Variants in SIPA1L1 observed in about 807,000 individuals in gnomAD.
The protein encoded by SIPA1L1 is signal-induced proliferation-associated 1-like protein 1.
Under a neutral mutation model 162.7 loss-of-function variants are expected in SIPA1L1, and 26 were observed. The ratio of observed to expected loss-of-function variants is 0.16; its 90% CI spans 0.12 to 0.22. The LOEUF is 0.22. Ranked by LOEUF, SIPA1L1 falls within the 10% of genes least tolerant of loss-of-function variation. The pLI, the probability that SIPA1L1 is intolerant of heterozygous loss-of-function variation, is 1.00. For missense variants in SIPA1L1, 1,874 were observed against 2,241.0 expected (o/e 0.84, Z 3.31); for synonymous variants, 829 against 837.4 (o/e 0.99, Z 0.17).
intron 12 of SIPA1L1, among the ~76,000 whole-genome samples, chr14:71,678,053 G>C (rs942917061): frequency 1.3e-5 from 2 of 152,026 alleles, no homozygotes; most frequent in African/African-American, 2.4e-5. Context: ...GAGACGATGG[G>C]GTTTTCTAAA....
Position 71,600,153 on chromosome 14 carries a change from G to T in SIPA1L1, c.1498+10783G>T, listed in dbSNP as rs1253161748. ...ATGTCTATTCTTGTTTTCGTTGCCT[G>T]TGCTTTTCAGGTCTTAGCCATAAAG... On this transcript the variant is annotated intron_variant, in intron 5 of 23. Transcript: ENST00000381232. Among the ~76,000 whole-genome samples the T allele has an allele frequency of 3.3e-5, 5 of 152,104 alleles. No individual in the cohort carries two copies. In the East Asian group the frequency reaches 9.6e-4, roughly 29 times the overall value.
intron 2 of SIPA1L1, among the ~76,000 whole-genome samples, chr14:71,375,995 A>C (rs1332974008): frequency 2.0e-5 from 3 of 152,144 alleles, no homozygotes; most frequent in African/African-American, 7.2e-5. Context: ...TTGTGCCTCA[A>C]TTAATGGTCT....
At chr14:71,668,654 TG>T (rs1360574602) in intron 10 of SIPA1L1, among the ~76,000 whole-genome samples, 1 of 152,250 alleles carries the variant, frequency 6.6e-6, no homozygotes, top group African/African-American at 2.4e-5. Context: ...GTTCCCTTCC[TG>T]TGATAACTTT....
chr14:71,518,933 A>G (rs2144759794), intron 3 of SIPA1L1, among the ~76,000 whole-genome samples: 1 of 152,280 alleles, frequency 6.6e-6, no homozygotes, highest in East Asian at 1.9e-4. Context: ...AAATGAAGAA[A>G]CAAAAGTGGA....
chr14:71,480,835 T>C (rs1017910323), intron 2 of SIPA1L1, among the ~76,000 whole-genome samples: 9 of 152,134 alleles, frequency 5.9e-5, no homozygotes, highest in African/African-American at 2.2e-4. Flanking sequence ...TTGTGTAAAA[T>C]ACAAGAACAA....
At chr14:71,490,695 T>G (rs2049173393) in intron 2 of SIPA1L1, among the ~76,000 whole-genome samples, 1 of 152,208 alleles carries the variant, frequency 6.6e-6, no homozygotes, top group South Asian at 2.1e-4. Context: ...TACAGCAACA[T>G]TATTTGAAAC....
At chr14:71,504,110 A>G (rs1402095192) in intron 2 of SIPA1L1, among the ~76,000 whole-genome samples, 2 of 152,086 alleles carry the variant, frequency 1.3e-5, no homozygotes, top group Non-Finnish European at 2.9e-5. Context: ...CAGTCCTAAA[A>G]GTTTAATATT....
At chr14:71,400,641 ATATATATGTTAATATG>A (rs944169839) in intron 2 of SIPA1L1, among the ~76,000 whole-genome samples, 17 of 151,212 alleles carry the variant, frequency 1.1e-4, no homozygotes, top group Non-Finnish European at 1.8e-4. Flanking sequence ...ACATATATAC[ATATATATGTTAATATG>A]TATATATGTT....
chr14:71,635,669 CAAGT>C (rs2148824247), intron 7 of SIPA1L1, among the ~76,000 whole-genome samples: 1 of 152,108 alleles, frequency 6.6e-6, no homozygotes, highest in Non-Finnish European at 1.5e-5. Flanking sequence ...AAAGAGCACT[CAAGT>C]AATTCTCAGA....
At chr14:71,420,953 G>A (rs1468870966) in intron 2 of SIPA1L1, among the ~76,000 whole-genome samples, 1 of 152,156 alleles carries the variant, frequency 6.6e-6, no homozygotes, top group East Asian at 1.9e-4. Flanking sequence ...CAGGATCCAA[G>A]CAGCCTTCAC....
At chr14:71,419,622 C>T (rs1054122307) in intron 2 of SIPA1L1, among the ~76,000 whole-genome samples, 7 of 151,420 alleles carry the variant, frequency 4.6e-5, no homozygotes, top group African/African-American at 1.5e-4. Context: ...CTCAGCCTCC[C>T]GAGTAGCTGG....
chr14:71,439,406 T>C (rs551999412), intron 2 of SIPA1L1, among the ~76,000 whole-genome samples: 2 of 152,294 alleles, frequency 1.3e-5, no homozygotes, highest in East Asian at 1.9e-4. Flanking sequence ...TTCTGAAATG[T>C]TGGAAATAGA....
intron 13 of SIPA1L1, among the ~76,000 whole-genome samples, chr14:71,686,319 C>A (rs1331954681): frequency 6.6e-6 from 1 of 152,264 alleles, no homozygotes; most frequent in Non-Finnish European, 1.5e-5. Context: ...CAAGGTTGCC[C>A]TAGCACTTTT....
chr14:71,465,465 T>C (rs1027268047), intron 2 of SIPA1L1, among the ~76,000 whole-genome samples: 3 of 152,218 alleles, frequency 2.0e-5, no homozygotes, highest in African/African-American at 7.2e-5. Flanking sequence ...GTTCTCCACA[T>C]ATGGTATTAT....
At chr14:71,542,991 C>T (rs1276757753) in intron 4 of SIPA1L1, among the ~76,000 whole-genome samples, 2 of 151,980 alleles carry the variant, frequency 1.3e-5, no homozygotes, top group African/African-American at 2.4e-5. Flanking sequence ...ACCAGTCCCT[C>T]TCTTCTCTGG....
intron 22 of SIPA1L1, 123 bp downstream of exon 22, chr14:71,735,514 A>T: frequency 1.6e-6 from 1 of 612,238 alleles, no homozygotes; most frequent in Non-Finnish European, 2.9e-6. Flanking sequence ...CTGCAGGGCT[A>T]GACACTTTAC....
intron 19 of SIPA1L1, among the ~76,000 whole-genome samples, chr14:71,728,796 A>C (rs1461606534): frequency 6.6e-6 from 1 of 152,246 alleles, no homozygotes; most frequent in Non-Finnish European, 1.5e-5. Context: ...GCCTAAGAGC[A>C]AATGAATAAG....
chr14:71,709,653 T>C lies in SIPA1L1; in HGVS notation c.4197T>C (p.Ala1399=). ...ENSTFSINDA[A]SHTSTMSSRH... ...GCACCTTCAGTATAAACGATGCTGC[T>C]TCCCACACAAGGTAACCACCCTTCC... Residue 1399 remains alanine, a synonymous_variant, in exon 17 of 24, where the codon GCT becomes GCC. Coordinates refer to ENST00000381232, the MANE Select transcript of SIPA1L1 (RefSeq NM_001386936.1). 6.2e-7 allele frequency: 1 copy of C among 1,611,732 alleles called. No individual in the cohort carries two copies. The highest frequency in any genetic ancestry group is 8.5e-7 in the Non-Finnish European group (1 of 1,178,332).
intron 2 of SIPA1L1, among the ~76,000 whole-genome samples, chr14:71,393,601 C>A (rs61991247): frequency 6.6e-6 from 1 of 151,912 alleles, no homozygotes; most frequent in African/African-American, 2.4e-5. Flanking sequence ...TGAGGCAAGA[C>A]GTTCAAGACC....
Sources: gnomAD v4.1 joint callset for allele counts (sites outside exome capture counted in the v4.1 genomes callset) on GRCh38, gnomAD v4.1.1 for gene constraint, MANE v1.5 for transcripts, NCBI Gene and HGNC (gene_info 2026-07-23, HGNC 2026-07-21) for gene names.